STK33: variants seen among roughly 807,000 people sequenced by gnomAD.
The protein encoded by STK33 is serine/threonine-protein kinase 33.
In STK33, 52 loss-of-function variants were observed where a neutral mutation model predicts 58.0. The ratio of observed to expected loss-of-function variants is 0.90; its 90% CI spans 0.72 to 1.13. STK33 has a LOEUF of 1.13. STK33 is among the 50% of genes most tolerant of loss of function. The pLI, the probability that STK33 is intolerant of heterozygous loss-of-function variation, is 0.00. For synonymous variants in STK33, 215 were observed against 200.1 expected, an observed-to-expected ratio of 1.07 and a Z score of -0.63; for missense variants, 630 against 604.2, an observed-to-expected ratio of 1.04 and a Z score of -0.45.
chr11:8,419,595 A>G lies in STK33; in HGVS notation c.1147-5903T>C, dbSNP rs1281966870. Among the ~76,000 whole-genome samples, 4 of 152,278 alleles carry G rather than the reference A, an allele frequency of 2.6e-5. No homozygotes were observed. In the East Asian group the frequency reaches 7.7e-4, roughly 29 times the overall value. ...CTTTTGGTTCCATATGAATTTTAAA[A>G]TAGATTTTTCTAGTTCTGCAAAGAA... On this transcript the variant is annotated intron_variant, in intron 14 of 15. Coordinates refer to ENST00000687296, the MANE Select transcript of STK33 (RefSeq NM_001352389.2).
intron 1 of STK33, among the ~76,000 whole-genome samples, chr11:8,519,246 G>A (rs1024741066): frequency 3.8e-4 from 58 of 152,126 alleles, no homozygotes; most frequent in African/African-American, 1.4e-3. Context: ...TGACTACTGG[G>A]TACATAACGA....
chr11:8,553,712 C>A (rs893001025), intron 1 of STK33, among the ~76,000 whole-genome samples: 2 of 151,858 alleles, frequency 1.3e-5, no homozygotes, highest in Non-Finnish European at 2.9e-5. Context: ...AAATGGACAC[C>A]CTCTTTAATA....
the STK33 span, among the ~76,000 whole-genome samples, chr11:8,337,704 C>T: frequency 1.3e-5 from 2 of 151,984 alleles, no homozygotes. Flanking sequence ...CACCGTTTCT[C>T]GTCTACCGCT....
the STK33 span, among the ~76,000 whole-genome samples, chr11:8,371,275 G>C: frequency 6.6e-6 from 1 of 152,110 alleles, no homozygotes; most frequent in African/African-American, 2.4e-5. Flanking sequence ...TAGAGGAAGA[G>C]GAGAGGAGGG....
intron 1 of STK33, among the ~76,000 whole-genome samples, chr11:8,575,692 TA>T (rs907627505): frequency 6.6e-6 from 1 of 152,248 alleles, no homozygotes; most frequent in African/African-American, 2.4e-5. Flanking sequence ...CACTGAATTG[TA>T]TACTTAAAAT....
intron 1 of STK33, among the ~76,000 whole-genome samples, chr11:8,488,400 T>C (rs1446235128): frequency 1.3e-5 from 2 of 151,948 alleles, no homozygotes; most frequent in Non-Finnish European, 2.9e-5. Context: ...GCTATATGCA[T>C]GCACAGGAAA....
intron 15 of STK33, among the ~76,000 whole-genome samples, chr11:8,409,483 A>T (rs1939839279): frequency 6.6e-6 from 1 of 152,226 alleles, no homozygotes; most frequent in African/African-American, 2.4e-5. Context: ...CAACAGTTCT[A>T]CCAGGGAGAA....
the STK33 span, among the ~76,000 whole-genome samples, chr11:8,350,428 G>C: frequency 6.6e-6 from 1 of 152,230 alleles, no homozygotes; most frequent in African/African-American, 2.4e-5. Flanking sequence ...AGCTAAGCCA[G>C]CTGAGAAGCA....
rs74893725 is a variant in STK33 at position 8,538,827 on chromosome 11, A to G, written c.-466+55256T>C. Among the ~76,000 whole-genome samples, 100 of 152,308 alleles carry G rather than the reference A, an allele frequency of 6.6e-4. No individual in the cohort carries two copies. In the East Asian group the frequency reaches 0.018, roughly 27 times the overall value. On this transcript the variant is annotated intron_variant, in intron 1 of 15. Coordinates refer to ENST00000687296, the MANE Select transcript of STK33 (RefSeq NM_001352389.2). ...TACTTTTTTAAAATGTCAAAAAGGGAAAGAATATGGAGCTATGATCTTCTA... is the reference window on the plus strand; with the variant it reads ...TACTTTTTTAAAATGTCAAAAAGGGGAAGAATATGGAGCTATGATCTTCTA...
intron 1 of STK33, among the ~76,000 whole-genome samples, chr11:8,523,623 G>A (rs578025003): frequency 6.6e-6 from 1 of 151,884 alleles, no homozygotes; most frequent in East Asian, 2.0e-4. Context: ...GGGAAGTGAG[G>A]AGCATCTCCG....
At chr11:8,398,494 C>T (rs1199757257) in intron 15 of STK33, among the ~76,000 whole-genome samples, 1 of 152,154 alleles carries the variant, frequency 6.6e-6, no homozygotes, top group Non-Finnish European at 1.5e-5. Flanking sequence ...AAGGTTCCAG[C>T]CAATGCAAAA....
the STK33 span, among the ~76,000 whole-genome samples, chr11:8,358,434 C>A: frequency 6.6e-6 from 1 of 152,184 alleles, no homozygotes; most frequent in Non-Finnish European, 1.5e-5. Flanking sequence ...CAGATCTGTG[C>A]CAGCCAAGGG....
intron 1 of STK33, among the ~76,000 whole-genome samples, chr11:8,491,887 C>A (rs186678567): frequency 6.6e-6 from 1 of 152,280 alleles, no homozygotes; most frequent in African/African-American, 2.4e-5. Flanking sequence ...TCTAGACAAG[C>A]AAATGCTGAG....
chr11:8,344,681 G>T, the STK33 span, among the ~76,000 whole-genome samples: 1 of 152,218 alleles, frequency 6.6e-6, no homozygotes. Flanking sequence ...AGGTTTAGGT[G>T]TCAGTTAGAA....
rs1024332896 is a variant in STK33 at position 8,439,874 on chromosome 11, T to TATATATATATATATAC, written c.947+803_947+804insGTATATATATATATAT. ...ACATATATATTATATTATAATTATA[T>TATATATATATATATAC]ATATATATATATCAGAGGCTTTTAT... On this transcript the variant is annotated intron_variant, in intron 12 of 15. Coordinates refer to ENST00000687296, the MANE Select transcript of STK33 (RefSeq NM_001352389.2). Among the ~76,000 whole-genome samples the TATATATATATATATAC allele has an allele frequency of 3.3e-4, 46 of 140,414 alleles. 1 individual carries two copies. The highest frequency in any genetic ancestry group is 9.1e-4 in the South Asian group (4 of 4,388). The allele number at this position is 140,414 out of a possible 152,430, so 92.1% of individuals were successfully genotyped here. A position where few individuals can be genotyped will look rare whatever the true frequency, so the allele number is the denominator to read the frequency against.
intron 1 of STK33, among the ~76,000 whole-genome samples, chr11:8,505,959 C>A (rs979253950): frequency 3.3e-5 from 5 of 152,180 alleles, no homozygotes; most frequent in African/African-American, 7.2e-5. Flanking sequence ...GACTAACTCA[C>A]CACACTGTTG....
At chr11:8,428,820 T>G (rs1394232435) in intron 14 of STK33, among the ~76,000 whole-genome samples, 1 of 152,182 alleles carries the variant, frequency 6.6e-6, no homozygotes, top group Non-Finnish European at 1.5e-5. Context: ...GATACTGTTA[T>G]GTTTAGTAAT....
intron 1 of STK33, among the ~76,000 whole-genome samples, chr11:8,566,332 T>G (rs1477543612): frequency 1.3e-5 from 2 of 152,224 alleles, no homozygotes; most frequent in Non-Finnish European, 2.9e-5. Flanking sequence ...TAAACAATCT[T>G]AGACCCACAT....
At chr11:8,503,948 A>C (rs1951694859) in intron 1 of STK33, among the ~76,000 whole-genome samples, 1 of 152,208 alleles carries the variant, frequency 6.6e-6, no homozygotes, top group African/African-American at 2.4e-5. Flanking sequence ...TCCTTCAGCA[A>C]TTAACAAACA....
Sources: gnomAD v4.1 joint callset for allele counts (sites outside exome capture counted in the v4.1 genomes callset) on GRCh38, gnomAD v4.1.1 for gene constraint, MANE v1.5 for transcripts, NCBI Gene and HGNC (gene_info 2026-07-23, HGNC 2026-07-21) for gene names.